GARNL3: variants seen among roughly 807,000 people sequenced by gnomAD.
GARNL3 encodes GTPase-activating Rap/Ran-GAP domain-like protein 3.
Under a neutral mutation model 125.0 loss-of-function variants are expected in GARNL3, and 63 were observed. The ratio of observed to expected loss-of-function variants is 0.50; its 90% CI spans 0.41 to 0.62. The LOEUF (loss-of-function observed/expected upper bound fraction) is 0.62. Among genes scored for constraint, GARNL3 ranks in the 20% least tolerant of loss-of-function variants. The pLI is 0.00. For missense variants in GARNL3, 994 were observed against 1,244.0 expected (o/e 0.80, Z 3.02); for synonymous variants, 439 against 457.5 (o/e 0.96, Z 0.52).
In GARNL3 at chr9:127,390,677, C is replaced by T. The variant is rs781173231; in HGVS notation, c.2780C>T (p.Ala927Val). Residue 927 changes from alanine to valine, a missense_variant, in exon 27 of 28, where the codon GCG becomes GTG. Around this residue, in one of 5 missense-constraint regions of GARNL3, gnomAD observed 728 missense variants for 865.7 expected, o/e 0.84. Coordinates refer to ENST00000373387, the MANE Select transcript of GARNL3 (RefSeq NM_032293.5). ...SDEGGPKSEG[A>V]PKAKSKPRKR... ...GAAGGTGGACCCAAGTCAGAAGGAG[C>T]GCCAAAGGCCAAATCAAAACCCCGG... The T allele has an allele frequency of 5.6e-6, 9 of 1,613,634 alleles. No individual in the cohort carries two copies. The highest frequency in any genetic ancestry group is 5.0e-5 in the Admixed American group (3 of 59,998).
At chr9:127,324,245 T>C (rs1051841331) in intron 6 of GARNL3, among the ~76,000 whole-genome samples, 3 of 152,164 alleles carry the variant, frequency 2.0e-5, no homozygotes, top group South Asian at 4.1e-4. Flanking sequence ...AGCCAGACCC[T>C]GTCTCTTTAA....
intron 1 of GARNL3, chr9:127,225,281 G>C (rs2062885666): frequency 1.1e-6 from 1 of 926,914 alleles, no homozygotes; most frequent in Admixed American, 6.2e-5. Flanking sequence ...CCACCCGAGT[G>C]CGCCCGAGCC....
chr9:127,392,012 C>G lies in GARNL3; in HGVS notation c.2871-1071C>G, dbSNP rs927820220. On this transcript the variant is annotated intron_variant, in intron 27 of 27. Coordinates refer to ENST00000373387, the MANE Select transcript of GARNL3 (RefSeq NM_032293.5). The surrounding 1 kb of genome is among the most constrained non-coding windows in gnomAD (Gnocchi z 5.2). ...TAAGATATGGAAAGGACTAAGCCCCCACCTGTGCCTTCAAGGGGTTCCCAG... is the reference window on the plus strand; with the variant it reads ...TAAGATATGGAAAGGACTAAGCCCCGACCTGTGCCTTCAAGGGGTTCCCAG... Among the ~76,000 whole-genome samples, 1 of 152,214 alleles carries G rather than the reference C, an allele frequency of 6.6e-6. No individual in the cohort carries two copies. Among genetic ancestry groups the G allele is most frequent in the African/African-American group, 2.4e-5 (1 of 41,456 alleles).
chr9:127,247,633 GT>G (rs1162377209), intron 2 of GARNL3, among the ~76,000 whole-genome samples: 1 of 151,794 alleles, frequency 6.6e-6, no homozygotes, highest in African/African-American at 2.4e-5. Flanking sequence ...TTTATTATTT[GT>G]TTTTAGTTTT....
Position 127,335,351 on chromosome 9 carries a change from A to C in GARNL3, c.873+18A>C. The C allele has an allele frequency of 6.5e-7, 1 of 1,537,598 alleles. No individual in the cohort carries two copies. The highest frequency in any genetic ancestry group is 9.0e-7 in the Non-Finnish European group (1 of 1,110,042). On this transcript the variant is annotated intron_variant, in intron 10 of 27. Transcript: ENST00000373387. ...AACAGCAGGTACATGTGAACATACA[A>C]ACCATCAAATAGTGATGTGAATGTG...
At chr9:127,299,432 T>TA (rs1307926272) in intron 2 of GARNL3, among the ~76,000 whole-genome samples, 1 of 152,082 alleles carries the variant, frequency 6.6e-6, no homozygotes, top group Non-Finnish European at 1.5e-5. Flanking sequence ...ACTTTGGCAA[T>TA]AAAAAAACAA....
At chr9:127,365,416 T>C (rs1831232422) in intron 22 of GARNL3, 50 bp downstream of exon 22, 2 of 1,397,638 alleles carry the variant, frequency 1.4e-6, no homozygotes, top group Non-Finnish European at 2.0e-6. Context: ...GGACTGCTTT[T>C]TTTTTTTCTG....
intron 4 of GARNL3, among the ~76,000 whole-genome samples, chr9:127,314,472 G>T (rs1041407512): frequency 2.0e-5 from 3 of 152,040 alleles, no homozygotes; most frequent in Non-Finnish European, 4.4e-5. Context: ...TTGGCATGGG[G>T]GCATCAAGAG....
intron 2 of GARNL3, among the ~76,000 whole-genome samples, chr9:127,299,805 T>C (rs541227580): frequency 6.6e-6 from 1 of 152,314 alleles, no homozygotes; most frequent in South Asian, 2.1e-4. Flanking sequence ...GACCTTGTGA[T>C]CCGCCCACCT....
At chr9:127,239,927 C>G (rs1482759841) in intron 1 of GARNL3, among the ~76,000 whole-genome samples, 3 of 151,904 alleles carry the variant, frequency 2.0e-5, no homozygotes, top group Admixed American at 6.6e-5. Flanking sequence ...TTAATAAAAT[C>G]TTAAAGTTTA....
intron 5 of GARNL3, among the ~76,000 whole-genome samples, chr9:127,319,311 C>T (rs1042907881): frequency 1.3e-5 from 2 of 151,924 alleles, no homozygotes; most frequent in East Asian, 1.9e-4. Context: ...AGTGAAACCC[C>T]GTCTCTACTA....
At chr9:127,249,793 A>C (rs1208289356) in intron 2 of GARNL3, among the ~76,000 whole-genome samples, 1 of 152,098 alleles carries the variant, frequency 6.6e-6, no homozygotes, top group African/African-American at 2.4e-5. Context: ...GGATCACCTG[A>C]GGTCAGGAGT....
chr9:127,352,096 TTGC>T (rs1476625487), intron 17 of GARNL3, among the ~76,000 whole-genome samples: 1 of 152,202 alleles, frequency 6.6e-6, no homozygotes, highest in Admixed American at 6.5e-5. Flanking sequence ...TGGAGTGCTG[TTGC>T]TGCTGTGGTC....
At chr9:127,285,599 T>G (rs926123222) in intron 1 of GARNL3, among the ~76,000 whole-genome samples, 3 of 152,216 alleles carry the variant, frequency 2.0e-5, no homozygotes, top group African/African-American at 7.2e-5. Context: ...CAGAGAGAAA[T>G]GTACTAAAAT....
chr9:127,342,069 G>T (rs958380902), intron 13 of GARNL3, 150 bp from the exon 14 acceptor site: 15 of 615,988 alleles, frequency 2.4e-5, no homozygotes, highest in Non-Finnish European at 3.5e-5. Context: ...AAAATGGATT[G>T]TTCCAAGGTA....
intron 20 of GARNL3, among the ~76,000 whole-genome samples, chr9:127,356,963 A>C (rs1488526806): frequency 2.0e-5 from 3 of 152,252 alleles, no homozygotes; most frequent in African/African-American, 4.8e-5. Context: ...TGTTGATTGC[A>C]TTTTGTTTAA....
intron 16 of GARNL3, 32 bp from the exon 17 acceptor site, chr9:127,348,892 A>T (rs764409276): frequency 8.2e-6 from 12 of 1,457,108 alleles, no homozygotes; most frequent in Non-Finnish European, 1.1e-5. Context: ...TTTCTGGTGC[A>T]CTTATCTTCC....
chr9:127,336,263 A>C (rs1030413520), intron 11 of GARNL3, 27 bp downstream of exon 11: 8 of 1,514,430 alleles, frequency 5.3e-6, no homozygotes, highest in Middle Eastern at 1.7e-4. Context: ...TAAATGCTCC[A>C]GTGTGGCAAG....
chr9:127,319,576 C>A (rs2065339484), intron 5 of GARNL3, among the ~76,000 whole-genome samples: 1 of 152,048 alleles, frequency 6.6e-6, no homozygotes, highest in Admixed American at 6.5e-5. Context: ...CAGACCTTTT[C>A]CTGTCTGCTC....
Sources: allele counts gnomAD v4.1 joint callset (sites outside exome capture counted in the v4.1 genomes callset), GRCh38; gene constraint gnomAD v4.1.1; regional missense constraint gnomAD v4.1.1; non-coding constraint Gnocchi (gnomAD v3.1); transcripts MANE v1.5; gene names NCBI Gene and HGNC (gene_info 2026-07-23, HGNC 2026-07-21).